Variants in RPS6KC1 observed in about 807,000 individuals in gnomAD.
RPS6KC1 encodes inactive ribosomal protein S6 kinase delta-1.
In RPS6KC1, 54 loss-of-function variants were observed where a neutral mutation model predicts 103.8. The ratio of observed to expected loss-of-function variants is 0.52; its 90% CI spans 0.42 to 0.65. The LOEUF (loss-of-function observed/expected upper bound fraction) is 0.65. RPS6KC1 is among the 30% of genes least tolerant of loss of function. The probability of loss-of-function intolerance (pLI) is 0.00; values close to 1 mark genes in which losing one functional copy is unlikely to be tolerated. For synonymous variants in RPS6KC1, 439 were observed against 438.7 expected, an observed-to-expected ratio of 1.00 and a Z score of -0.01; for missense variants, 1,151 against 1,253.8, an observed-to-expected ratio of 0.92 and a Z score of 1.24.
intron 8 of RPS6KC1, among the ~76,000 whole-genome samples, chr1:213,194,982 G>T (rs1350572680): frequency 6.6e-6 from 1 of 152,170 alleles, no homozygotes. Context: ...ACAGATCTAT[G>T]GATGCCAGTG....
intron 6 of RPS6KC1, among the ~76,000 whole-genome samples, chr1:213,142,614 G>A (rs2087199201): frequency 6.6e-6 from 1 of 151,976 alleles, no homozygotes; most frequent in South Asian, 2.1e-4. Flanking sequence ...TGGTTTCACA[G>A]GGTTGCAAAG....
At chr1:213,429,837 G>A in the RPS6KC1 span, among the ~76,000 whole-genome samples, 11 of 152,222 alleles carry the variant, frequency 7.2e-5, no homozygotes, top group African/African-American at 2.7e-4. Flanking sequence ...AGTAGATTAT[G>A]TGGCAGTTTA....
the RPS6KC1 span, among the ~76,000 whole-genome samples, chr1:213,586,888 T>A: frequency 6.6e-6 from 1 of 152,202 alleles, no homozygotes; most frequent in Non-Finnish European, 1.5e-5. Context: ...ACTTTTGGGC[T>A]GTAGAAGAAG....
the RPS6KC1 span, among the ~76,000 whole-genome samples, chr1:213,312,221 C>T: frequency 6.6e-6 from 1 of 150,420 alleles, no homozygotes; most frequent in Admixed American, 6.7e-5. Context: ...ATTCTGCACA[C>T]CAGGAGAGGC....
At chr1:213,195,361 C>T (rs2092906854) in intron 8 of RPS6KC1, among the ~76,000 whole-genome samples, 1 of 152,092 alleles carries the variant, frequency 6.6e-6, no homozygotes, top group African/African-American at 2.4e-5. Flanking sequence ...ATGGAAGGTA[C>T]GTGGGAATTT....
At chr1:213,369,806 G>A in the RPS6KC1 span, among the ~76,000 whole-genome samples, 6 of 152,216 alleles carry the variant, frequency 3.9e-5, no homozygotes, top group African/African-American at 9.7e-5. Context: ...ACATATTTTC[G>A]ACCTGGTCGA....
At chr1:213,830,068 A>G in the RPS6KC1 span, among the ~76,000 whole-genome samples, 4 of 152,200 alleles carry the variant, frequency 2.6e-5, no homozygotes, top group African/African-American at 9.6e-5. Context: ...ACTGGCCGTA[A>G]TTAGAGACTA....
the RPS6KC1 span, among the ~76,000 whole-genome samples, chr1:213,772,387 C>T: frequency 6.6e-6 from 1 of 152,202 alleles, no homozygotes; most frequent in Admixed American, 6.5e-5. Flanking sequence ...CACAATGTCG[C>T]AAGACTTCCA....
chr1:213,831,956 C>G, the RPS6KC1 span, among the ~76,000 whole-genome samples: 1 of 152,278 alleles, frequency 6.6e-6, no homozygotes, highest in South Asian at 2.1e-4. Context: ...AGGCTCCAGC[C>G]CACCTATTCT....
chr1:213,337,633 G>A, the RPS6KC1 span, among the ~76,000 whole-genome samples: 1 of 152,146 alleles, frequency 6.6e-6, no homozygotes, highest in East Asian at 1.9e-4. Flanking sequence ...GGTCACTGTG[G>A]TTATTGATGT....
At chr1:213,103,506 CT>C (rs2148768962) in intron 3 of RPS6KC1, among the ~76,000 whole-genome samples, 2 of 152,142 alleles carry the variant, frequency 1.3e-5, no homozygotes, top group South Asian at 4.1e-4. Flanking sequence ...AATTCAGGTC[CT>C]TTTAGTTATC....
the RPS6KC1 span, among the ~76,000 whole-genome samples, chr1:213,780,367 C>A: frequency 6.6e-6 from 1 of 152,200 alleles, no homozygotes; most frequent in Non-Finnish European, 1.5e-5. Flanking sequence ...TCTGTAATCA[C>A]TAGACAGCAC....
At chr1:213,769,479 A>G in the RPS6KC1 span, among the ~76,000 whole-genome samples, 1 of 150,504 alleles carries the variant, frequency 6.6e-6, no homozygotes, top group African/African-American at 2.4e-5. Context: ...AATCTGAAAT[A>G]GAAACTCCAC....
intron 12 of RPS6KC1, among the ~76,000 whole-genome samples, chr1:213,249,709 C>T (rs983380997): frequency 6.6e-6 from 1 of 152,134 alleles, no homozygotes; most frequent in African/African-American, 2.4e-5. Context: ...TTTTTTCCTA[C>T]TAGAAATACA....
chr1:213,628,635 T>C, the RPS6KC1 span, among the ~76,000 whole-genome samples: 16 of 152,320 alleles, frequency 1.1e-4, no homozygotes, highest in South Asian at 3.3e-3. Flanking sequence ...CTTTTGAATG[T>C]GTTTGCTCTT....
At chr1:213,596,565 T>C in the RPS6KC1 span, among the ~76,000 whole-genome samples, 1 of 152,250 alleles carries the variant, frequency 6.6e-6, no homozygotes. Context: ...AAGGGCCCCC[T>C]TGGGTGAGAG....
intron 3 of RPS6KC1, among the ~76,000 whole-genome samples, chr1:213,098,261 GACTACAGGCAT>G (rs1444644852): frequency 6.6e-6 from 1 of 151,560 alleles, no homozygotes; most frequent in Non-Finnish European, 1.5e-5. Flanking sequence ...GACTACAGGG[GACTACAGGCAT>G]ACTACAGGCA....
At chr1:213,195,846 G>GTATA (rs1553373507) in intron 8 of RPS6KC1, among the ~76,000 whole-genome samples, 35 of 150,944 alleles carry the variant, frequency 2.3e-4, no homozygotes, top group African/African-American at 7.6e-4. Context: ...GTGTGTGTGT[G>GTATA]TATATATATA....
At chr1:213,483,210 A>G in the RPS6KC1 span, among the ~76,000 whole-genome samples, 1 of 152,140 alleles carries the variant, frequency 6.6e-6, no homozygotes, top group African/African-American at 2.4e-5. Flanking sequence ...ATCAGATCTC[A>G]TGAGAACTCA....
Sources: allele counts gnomAD v4.1 joint callset (sites outside exome capture counted in the v4.1 genomes callset), GRCh38; gene constraint gnomAD v4.1.1; transcripts MANE v1.5; gene names NCBI Gene and HGNC (gene_info 2026-07-23, HGNC 2026-07-21).